Variants in PRR5L observed in about 807,000 individuals in gnomAD.
PRR5L encodes the protein proline-rich protein 5-like.
In PRR5L, 21 loss-of-function variants were observed where a neutral mutation model predicts 36.4. The observed-to-expected ratio is 0.58, with a 90% CI of 0.41 to 0.83. PRR5L has a LOEUF of 0.83. Ranked by LOEUF, PRR5L falls within the 40% of genes least tolerant of loss-of-function variation. The pLI, the probability that PRR5L is intolerant of heterozygous loss-of-function variation, is 0.00. For synonymous variants in PRR5L, 188 were observed against 197.0 expected (o/e 0.95, Z 0.38); for missense variants, 381 against 473.3 (o/e 0.80, Z 1.81).
rs3083243 is a variant in PRR5L, at chr11:36,326,302, TACACAC to T, written c.-126+29894_-126+29899del. ...CACTTTAGTGTGTCTCCCCAATAGA[TACACAC>T]ACACACACACACACACACACACACA... On this transcript the variant is annotated intron_variant, in intron 1 of 8. Coordinates refer to ENST00000530639, the MANE Select transcript of PRR5L (RefSeq NM_001160167.2). Among the ~76,000 whole-genome samples, 1,303 of 147,470 alleles carry T rather than the reference TACACAC, an allele frequency of 8.8e-3. 15 individuals carry two copies. The highest frequency in any genetic ancestry group is 0.024 in the African/African-American group (965 of 39,612).
intron 1 of PRR5L, among the ~76,000 whole-genome samples, chr11:36,329,805 T>C (rs1390369662): frequency 6.6e-6 from 1 of 152,150 alleles, no homozygotes; most frequent in Admixed American, 6.5e-5. Flanking sequence ...ATTCCTATCT[T>C]CTTGAGGTCT....
chr11:36,350,962 T>TTA lies in PRR5L; in HGVS notation c.-125-50029_-125-50028dup, dbSNP rs1856928723. Among the ~76,000 whole-genome samples the TTA allele has an allele frequency of 2.1e-4, 19 of 92,352 alleles. 1 individual carries two copies. Among genetic ancestry groups the TTA allele is most frequent in the African/African-American group, 1.0e-3 (19 of 18,792 alleles). 60.6% of individuals were successfully genotyped at this position (92,352 alleles called of 152,430 possible). On this transcript the variant is annotated intron_variant, in intron 1 of 8. Coordinates refer to ENST00000530639, the MANE Select transcript of PRR5L (RefSeq NM_001160167.2). ...TTTATATATATATATTTATATATAT[T>TTA]TATATATTTATATATATTTATATAT... is the stretch of plus-strand genomic sequence containing the variant.
chr11:36,317,283 C>T (rs931091448), intron 1 of PRR5L, among the ~76,000 whole-genome samples: 2 of 152,174 alleles, frequency 1.3e-5, no homozygotes, highest in Admixed American at 1.3e-4. Flanking sequence ...AGGCTTAAAC[C>T]CCAGCTCTCT....
chr11:36,338,275 T>G (rs1856787101), intron 1 of PRR5L, among the ~76,000 whole-genome samples: 1 of 152,222 alleles, frequency 6.6e-6, no homozygotes, highest in Non-Finnish European at 1.5e-5. Flanking sequence ...CTATCCCCAT[T>G]GAGCTCCTTT....
intron 4 of PRR5L, 33 bp from the exon 5 acceptor site, chr11:36,431,820 C>G (rs1043502392): frequency 6.2e-7 from 1 of 1,609,398 alleles, no homozygotes; most frequent in Non-Finnish European, 8.5e-7. Context: ...TGGAGTTGTC[C>G]AAATTCTTAT....
intron 7 of PRR5L, among the ~76,000 whole-genome samples, chr11:36,449,705 C>G (rs1043176454): frequency 6.6e-6 from 1 of 152,170 alleles, no homozygotes; most frequent in Non-Finnish European, 1.5e-5. Context: ...TTTTTGAACA[C>G]GAGGCCCTGC....
At chr11:36,354,893 A>G (rs1384759925) in intron 1 of PRR5L, among the ~76,000 whole-genome samples, 3 of 152,236 alleles carry the variant, frequency 2.0e-5, no homozygotes, top group Non-Finnish European at 4.4e-5. Context: ...AATCTGGAAT[A>G]TGTGGCTAGA....
At chr11:36,316,398 C>T (rs1856557948) in intron 1 of PRR5L, among the ~76,000 whole-genome samples, 1 of 152,190 alleles carries the variant, frequency 6.6e-6, no homozygotes, top group Non-Finnish European at 1.5e-5. Context: ...CATGCAGAAC[C>T]AGCTGTGCAG....
chr11:36,355,831 G>A (rs576193550), intron 1 of PRR5L, among the ~76,000 whole-genome samples: 2 of 151,890 alleles, frequency 1.3e-5, no homozygotes, highest in East Asian at 3.9e-4. Flanking sequence ...CCAGAGTGCT[G>A]GGATTACAGG....
chr11:36,462,187 A>G (rs1859200099), intron 8 of PRR5L, among the ~76,000 whole-genome samples, 155 bp from the exon 9 acceptor site: 1 of 152,172 alleles, frequency 6.6e-6, no homozygotes, highest in Non-Finnish European at 1.5e-5. Flanking sequence ...ACATTTAGGT[A>G]TCACCAGATT....
intron 3 of PRR5L, among the ~76,000 whole-genome samples, chr11:36,406,932 A>C (rs991285994): frequency 5.3e-5 from 8 of 152,188 alleles, no homozygotes; most frequent in Admixed American, 6.5e-5. Flanking sequence ...TGGGCAAGTG[A>C]CTTCATTTTT....
intron 8 of PRR5L, chr11:36,454,910 G>T (rs1859020803): frequency 6.6e-6 from 1 of 152,330 alleles, no homozygotes; most frequent in African/African-American, 2.4e-5. Flanking sequence ...GGGAGTTGCT[G>T]AGGGAGGAGG....
intron 1 of PRR5L, among the ~76,000 whole-genome samples, chr11:36,353,283 C>T (rs1243678078): frequency 2.0e-5 from 3 of 152,192 alleles, no homozygotes; most frequent in East Asian, 3.9e-4. Context: ...TGTGGAGGGA[C>T]AAAATTGCCC....
chr11:36,397,936 A>C (rs1857702302), intron 1 of PRR5L, among the ~76,000 whole-genome samples: 1 of 151,750 alleles, frequency 6.6e-6, no homozygotes, highest in Non-Finnish European at 1.5e-5. Context: ...GCCGGGATTA[A>C]AGGCATGCGC....
intron 3 of PRR5L, among the ~76,000 whole-genome samples, chr11:36,410,841 G>T (rs560886546): frequency 6.6e-6 from 1 of 152,162 alleles, no homozygotes; most frequent in Non-Finnish European, 1.5e-5. Flanking sequence ...AGTGAGGTGG[G>T]TGATTTCAGA....
intron 3 of PRR5L, among the ~76,000 whole-genome samples, chr11:36,416,035 A>T (rs895760502): frequency 6.6e-6 from 1 of 152,216 alleles, no homozygotes; most frequent in Non-Finnish European, 1.5e-5. Context: ...TATGACTTAG[A>T]TCTTTCATAT....
intron 3 of PRR5L, among the ~76,000 whole-genome samples, chr11:36,408,267 G>C (rs1231010201): frequency 6.7e-6 from 1 of 148,296 alleles, no homozygotes; most frequent in Non-Finnish European, 1.5e-5. Flanking sequence ...GGGGGACAGA[G>C]AGAGAATTTG....
chr11:36,336,270 C>T (rs1856767870), intron 1 of PRR5L, among the ~76,000 whole-genome samples: 1 of 152,008 alleles, frequency 6.6e-6, no homozygotes, highest in South Asian at 2.1e-4. Flanking sequence ...TCTCTGTTGC[C>T]CAGGCTAGAG....
intron 1 of PRR5L, among the ~76,000 whole-genome samples, chr11:36,364,396 G>A (rs1183404372): frequency 6.6e-6 from 1 of 152,122 alleles, no homozygotes; most frequent in African/African-American, 2.4e-5. Flanking sequence ...CAGAGATTTG[G>A]GGATCAAATT....
Sources: gnomAD v4.1 joint callset for allele counts (sites outside exome capture counted in the v4.1 genomes callset) on GRCh38, gnomAD v4.1.1 for gene constraint, MANE v1.5 for transcripts, NCBI Gene and HGNC (gene_info 2026-07-23, HGNC 2026-07-21) for gene names.